CNTNAP4: variants seen among roughly 807,000 people sequenced by gnomAD.
CNTNAP4 encodes contactin associated protein family member 4.
Under a neutral mutation model 148.4 loss-of-function variants are expected in CNTNAP4, and 98 were observed. The observed-to-expected ratio is 0.66, with a 90% CI of 0.56 to 0.78. CNTNAP4 has a LOEUF of 0.78. CNTNAP4 is among the 30% of genes least tolerant of loss of function. The pLI is 0.00. For missense variants in CNTNAP4, 1,935 were observed against 1,565.6 expected (o/e 1.24, Z -3.98); for synonymous variants, 730 against 565.1 (o/e 1.29, Z -4.14).
intron 1 of CNTNAP4, 138 bp downstream of exon 1, chr16:76,277,885 T>A (rs746127043): frequency 6.8e-4 from 445 of 654,102 alleles, no homozygotes; most frequent in Non-Finnish European, 1.0e-3. Flanking sequence ...CTTAAAAATC[T>A]TGCCAATGTG....
intron 2 of CNTNAP4, among the ~76,000 whole-genome samples, chr16:76,337,472 G>A (rs1964114731): frequency 6.6e-6 from 1 of 152,180 alleles, no homozygotes; most frequent in Non-Finnish European, 1.5e-5. Flanking sequence ...CAAAAGGGGA[G>A]GGGTGTACGA....
At chr16:76,515,502 C>G (rs1034789314) in intron 15 of CNTNAP4, among the ~76,000 whole-genome samples, 6 of 152,110 alleles carry the variant, frequency 3.9e-5, no homozygotes, top group South Asian at 2.1e-4. Flanking sequence ...CATCTGCAAG[C>G]CAGGAAGAGA....
intron 17 of CNTNAP4, among the ~76,000 whole-genome samples, chr16:76,522,783 G>C (rs1298967692): frequency 1.1e-5 from 1 of 93,520 alleles, no homozygotes; most frequent in Non-Finnish European, 2.4e-5. Context: ...TTTCTTTCTT[G>C]ACAGAGTCTC....
At chr16:76,323,772 G>T (rs986640459) in intron 2 of CNTNAP4, among the ~76,000 whole-genome samples, 7 of 152,044 alleles carry the variant, frequency 4.6e-5, no homozygotes, top group Admixed American at 2.0e-4. Context: ...TCTGCTCTAT[G>T]GCCCACAGTC....
intron 10 of CNTNAP4, among the ~76,000 whole-genome samples, chr16:76,473,717 T>C (rs1006680165): frequency 1.3e-5 from 2 of 152,186 alleles, no homozygotes; most frequent in African/African-American, 4.8e-5. Context: ...GAGCTTGCAG[T>C]GAGCCAAGAT....
At chr16:76,360,023 T>C (rs1300410170) in intron 3 of CNTNAP4, among the ~76,000 whole-genome samples, 4 of 152,244 alleles carry the variant, frequency 2.6e-5, no homozygotes, top group African/African-American at 9.6e-5. Context: ...TTGGTACCAA[T>C]CTTATAAACT....
intron 20 of CNTNAP4, among the ~76,000 whole-genome samples, chr16:76,540,208 TG>T (rs2084390115): frequency 6.6e-6 from 1 of 152,136 alleles, no homozygotes. Flanking sequence ...TCAGAATTTT[TG>T]TTAATGATAT....
intron 5 of CNTNAP4, 142 bp downstream of exon 5, chr16:76,448,357 T>A: frequency 1.6e-6 from 1 of 624,438 alleles, no homozygotes; most frequent in Non-Finnish European, 2.7e-6. Context: ...AATATTGCTC[T>A]TTCATGTAAA....
intron 13 of CNTNAP4, among the ~76,000 whole-genome samples, chr16:76,494,263 C>T (rs541613891): frequency 6.6e-6 from 1 of 152,096 alleles, no homozygotes; most frequent in Admixed American, 6.5e-5. Context: ...CTGAGGGAAA[C>T]TTCCATTGAG....
At chr16:76,494,627 A>AT (rs2082337617) in intron 13 of CNTNAP4, among the ~76,000 whole-genome samples, 1 of 152,090 alleles carries the variant, frequency 6.6e-6, no homozygotes, top group Non-Finnish European at 1.5e-5. Context: ...CTCTCAATTC[A>AT]TTTTTTACTA....
intron 3 of CNTNAP4, among the ~76,000 whole-genome samples, chr16:76,411,998 A>G (rs945574736): frequency 2.6e-5 from 4 of 151,410 alleles, no homozygotes; most frequent in African/African-American, 9.7e-5. Flanking sequence ...CATGAATTCT[A>G]TTGCCATAGA....
rs115644235 is a variant in CNTNAP4, at chr16:76,388,282, C to T, written c.390+32771C>T. On this transcript the variant is annotated intron_variant, in intron 3 of 23. Coordinates refer to ENST00000611870, the MANE Select transcript of CNTNAP4 (RefSeq NM_033401.5). ...AGCATCGTGGAGTGCCAGGAATTCA[C>T]TCTCAGAGGAAGTCAGTGTTTTTCA... 1.6e-3 allele frequency among the ~76,000 whole-genome samples: 239 copies of T among 152,322 alleles called. 1 individual carries two copies. The highest frequency in any genetic ancestry group is 5.3e-3 in the African/African-American group (219 of 41,568).
chr16:76,385,494 G>A (rs1273166503), intron 3 of CNTNAP4, among the ~76,000 whole-genome samples: 1 of 151,724 alleles, frequency 6.6e-6, no homozygotes, highest in Non-Finnish European at 1.5e-5. Flanking sequence ...ATATAGCAAT[G>A]TTTCCTTTCA....
chr16:76,399,418 G>C (rs1597422016), intron 3 of CNTNAP4, among the ~76,000 whole-genome samples: 1 of 152,140 alleles, frequency 6.6e-6, no homozygotes, highest in East Asian at 1.9e-4. Context: ...TCTGGGATTT[G>C]ATTAAAAATA....
intron 2 of CNTNAP4, among the ~76,000 whole-genome samples, chr16:76,317,180 C>A (rs1961850118): frequency 7.0e-6 from 1 of 143,062 alleles, no homozygotes; most frequent in Non-Finnish European, 1.5e-5. Context: ...TCACTGAACT[C>A]AGAAGTTGGA....
chr16:76,361,890 CTG>C (rs1411563198), intron 3 of CNTNAP4, among the ~76,000 whole-genome samples: 1 of 152,060 alleles, frequency 6.6e-6, no homozygotes, highest in East Asian at 1.9e-4. Flanking sequence ...TGATATCTCA[CTG>C]TGGTTTTGAT....
chr16:76,462,872 A>G (rs529303878), intron 9 of CNTNAP4, among the ~76,000 whole-genome samples: 2 of 152,336 alleles, frequency 1.3e-5, no homozygotes, highest in African/African-American at 4.8e-5. Context: ...TCGTTATGTT[A>G]CATTTTACTA....
At chr16:76,450,522 G>T (rs768393561) in intron 7 of CNTNAP4, among the ~76,000 whole-genome samples, 19 of 152,300 alleles carry the variant, frequency 1.2e-4, no homozygotes, top group Non-Finnish European at 2.2e-4. Context: ...TCTGGAATCA[G>T]ATAACAACCA....
At chr16:76,401,959 G>A (rs529260080) in intron 3 of CNTNAP4, among the ~76,000 whole-genome samples, 2 of 152,194 alleles carry the variant, frequency 1.3e-5, no homozygotes, top group Non-Finnish European at 2.9e-5. Flanking sequence ...TTTTGTTGAG[G>A]ATTTTTGTAT....
Sources: gnomAD v4.1 joint callset for allele counts (sites outside exome capture counted in the v4.1 genomes callset) on GRCh38, gnomAD v4.1.1 for gene constraint, MANE v1.5 for transcripts, NCBI Gene and HGNC (gene_info 2026-07-23, HGNC 2026-07-21) for gene names.